The following ZNF197 variants were observed in gnomAD, a reference collection of about 807,000 sequenced individuals.
ZNF197 encodes zinc finger protein 197.
ZNF197 carries 14 observed loss-of-function variants against 27.4 expected under a neutral mutation model. The ratio of observed to expected loss-of-function variants is 0.51; its 90% CI spans 0.34 to 0.80. The LOEUF (loss-of-function observed/expected upper bound fraction) is 0.80, where lower values mean the gene tolerates loss of function less well. Ranked by LOEUF, ZNF197 falls within the 30% of genes least tolerant of loss-of-function variation. The pLI is 0.02. For missense variants in ZNF197, 1,090 were observed against 1,222.6 expected (o/e 0.89, Z 1.62); for synonymous variants, 415 against 420.0 (o/e 0.99, Z 0.15).
In ZNF197 at chr3:44,646,391, T is replaced by C; in HGVS notation, c.*2171T>C. The C allele has an allele frequency of 6.3e-7, 1 of 1,585,142 alleles. No homozygotes were observed. Among genetic ancestry groups the C allele is most frequent in the South Asian group, 1.2e-5 (1 of 86,318 alleles). On this transcript the variant is annotated 3_prime_UTR_variant, in exon 6 of 6. Transcript: ENST00000344387. ...CCGAGTAACAAAATGTCACATTGCT[T>C]AGATTGAGACAGCCCACATAATGTG...
Position 44,646,074 on chromosome 3 carries a change from T to A in ZNF197, c.*1854T>A. On this transcript the variant is annotated 3_prime_UTR_variant, in exon 6 of 6. Transcript: ENST00000344387. ...AGTTTCTTGGGGGCTGGTTCCTCAT[T>A]AGAGTGAAAGGTAGCCAAGAGTGAA... 1.0e-6 allele frequency: 1 copy of A among 985,290 alleles called. No homozygotes were observed. The highest frequency in any genetic ancestry group is 4.7e-5 in the South Asian group (1 of 21,284). The allele number at this position is 985,290 out of a possible 1,614,324, so 61.0% of individuals were successfully genotyped here.
In ZNF197 at chr3:44,643,295, T is replaced by C. The variant is rs1474461700; in HGVS notation, c.2165T>C (p.Met722Thr). ...GKTFIMSKSF[M>T]VHQKLHTQEK... Reference sequence around the variant, plus strand: ...ACCTTTATTATGAGCAAAAGTTTTATGGTCCATCAGAAACTCCATACACAA... The same window carrying C: ...ACCTTTATTATGAGCAAAAGTTTTACGGTCCATCAGAAACTCCATACACAA... The change falls in exon 6 of 6, where the codon ATG becomes ACG. Residue 722 changes from methionine to threonine, a missense_variant. Physicochemically the swap from Met to Thr is moderately conservative, Grantham distance 81. Coordinates refer to ENST00000344387, the MANE Select transcript of ZNF197 (RefSeq NM_006991.5). 4 of 1,613,808 alleles carry C rather than the reference T, an allele frequency of 2.5e-6. No homozygotes were observed. The highest frequency in any genetic ancestry group is 3.3e-5 in the Admixed American group (2 of 59,944).
At position 44,641,968 on chromosome 3, in the gene ZNF197, C is replaced by G. The variant is rs749092449; in HGVS notation, c.838C>G (p.His280Asp). The G allele has an allele frequency of 2.5e-6, 4 of 1,612,906 alleles. No homozygotes were observed. Among genetic ancestry groups the G allele is most frequent in the Non-Finnish European group, 8.5e-7 (1 of 1,179,374 alleles). ...AAGTAGTTCTCAAAGAGCAGACTCT[C>G]ATAAAGGAACATCAAAAAGACTTCA... ...KPSSSQRADS[H>D]KGTSKRLQGS... is the part of the protein sequence containing the mutation. The change falls in exon 6 of 6, where the codon CAT becomes GAT. Residue 280 changes from histidine (H) to aspartate (D), a missense_variant. Physicochemically the swap from His to Asp is moderately conservative, Grantham distance 81. Coordinates refer to ENST00000344387, the MANE Select transcript of ZNF197 (RefSeq NM_006991.5).
Position 44,640,791 on chromosome 3 carries a change from G to A in ZNF197, c.770-1109G>A, listed in dbSNP as rs564215120. Among the ~76,000 whole-genome samples, 60 of 152,344 alleles carry A rather than the reference G, an allele frequency of 3.9e-4. No individual in the cohort carries two copies. The highest frequency in any genetic ancestry group is 1.4e-3 in the African/African-American group (59 of 41,574). On this transcript the variant is annotated intron_variant, in intron 5 of 5. Coordinates refer to ENST00000344387, the MANE Select transcript of ZNF197 (RefSeq NM_006991.5). This position sits in a 1 kb window ranked among gnomAD's most constrained non-coding sequence, Gnocchi z 4.0. ...AGGTGGTTGGGTAGTGTGACTGGCAGTCCTGCCTGAGTCCTAGAGAGAAGG... is the reference window on the plus strand; with the variant it reads ...AGGTGGTTGGGTAGTGTGACTGGCAATCCTGCCTGAGTCCTAGAGAGAAGG...
Position 44,644,308 on chromosome 3 carries a change from T to TA in ZNF197, c.*89dup. The TA allele has an allele frequency of 6.8e-7, 1 of 1,481,138 alleles. No homozygotes were observed. The highest frequency in any genetic ancestry group is 8.9e-7 in the Non-Finnish European group (1 of 1,121,226). 91.7% of individuals were successfully genotyped at this position (1,481,138 alleles called of 1,614,324 possible). On this transcript the variant is annotated 3_prime_UTR_variant, in exon 6 of 6. Transcript: ENST00000344387. ...TATTTCTTCTAAGGAAAAAGTTTATTATTTACTCTTTACTAGACAAATGAG... is the reference window on the plus strand; with the variant it reads ...TATTTCTTCTAAGGAAAAAGTTTATTAATTTACTCTTTACTAGACAAATGAG...
At chr3:44,631,685 G>A (rs890904028) in intron 3 of ZNF197, among the ~76,000 whole-genome samples, 2 of 150,354 alleles carry the variant, frequency 1.3e-5, no homozygotes, top group East Asian at 2.0e-4. Context: ...ACAGGTGTGA[G>A]CCACTGCACC....
intron 1 of ZNF197, among the ~76,000 whole-genome samples, chr3:44,625,988 GT>G (rs1283880407): frequency 6.6e-6 from 1 of 152,140 alleles, no homozygotes. Flanking sequence ...TTGCTCCCAT[GT>G]CTCAGTTAGC....
intron 5 of ZNF197, among the ~76,000 whole-genome samples, chr3:44,641,465 G>A (rs1399511498): frequency 6.6e-6 from 1 of 152,140 alleles, no homozygotes; most frequent in Non-Finnish European, 1.5e-5. Context: ...TTGCCTTTCA[G>A]AGTCCTTACA....
At chr3:44,632,790 T>C (rs555681747) in intron 5 of ZNF197, among the ~76,000 whole-genome samples, 191 bp downstream of exon 5, 1 of 152,284 alleles carries the variant, frequency 6.6e-6, no homozygotes, top group South Asian at 2.1e-4. Context: ...TTTTTCTATA[T>C]GTTTGAGGGA....
chr3:44,628,494 TTTG>T (rs1241386544), intron 1 of ZNF197, among the ~76,000 whole-genome samples: 6 of 152,232 alleles, frequency 3.9e-5, no homozygotes, highest in Non-Finnish European at 8.8e-5. Flanking sequence ...TCATCCTTTC[TTTG>T]TTAATTGAGG....
At chr3:44,636,949 G>T (rs577099722) in intron 5 of ZNF197, among the ~76,000 whole-genome samples, 4 of 152,246 alleles carry the variant, frequency 2.6e-5, no homozygotes, top group African/African-American at 9.6e-5. Context: ...GCATTTACCT[G>T]ATGGTTAATG....
intron 3 of ZNF197, 115 bp downstream of exon 3, chr3:44,631,336 C>A (rs1381693518): frequency 1.5e-6 from 2 of 1,304,974 alleles, no homozygotes; most frequent in African/African-American, 1.5e-5. Context: ...TCTTACAGTG[C>A]CAATTTCTTT....
At position 44,645,110 on chromosome 3, in the gene ZNF197, G is replaced by A. The variant is rs1233650967; in HGVS notation, c.*890G>A. On this transcript the variant is annotated 3_prime_UTR_variant, in exon 6 of 6. Coordinates refer to ENST00000344387, the MANE Select transcript of ZNF197 (RefSeq NM_006991.5). ...CCTGGCTTTCCCTTAATGGCCATGTGATGTTATTAAGTCAGCCTCTAAAGC... is the reference window on the plus strand; with the variant it reads ...CCTGGCTTTCCCTTAATGGCCATGTAATGTTATTAAGTCAGCCTCTAAAGC... 1 of 973,404 alleles carries A rather than the reference G, an allele frequency of 1.0e-6. No homozygotes were observed. The highest frequency in any genetic ancestry group is 1.2e-6 in the Non-Finnish European group (1 of 819,168). The allele number at this position is 973,404 out of a possible 1,614,324, so 60.3% of individuals were successfully genotyped here.
chr3:44,633,194 A>G (rs1198688445), intron 5 of ZNF197, among the ~76,000 whole-genome samples: 1 of 152,176 alleles, frequency 6.6e-6, no homozygotes, highest in Admixed American at 6.5e-5. Context: ...ACAATTCTAA[A>G]TTGTTGCTAA....
rs931413843 is a variant in ZNF197 at position 44,640,894 on chromosome 3, C to T, written c.770-1006C>T. 2.0e-5 allele frequency among the ~76,000 whole-genome samples: 3 copies of T among 152,180 alleles called. No homozygotes were observed. Among genetic ancestry groups the T allele is most frequent in the Admixed American group, 6.5e-5 (1 of 15,278 alleles). On this transcript the variant is annotated intron_variant, in intron 5 of 5. Transcript: ENST00000344387. This position sits in a 1 kb window ranked among gnomAD's most constrained non-coding sequence, Gnocchi z 4.0. ...TAATATTTGTTGGATATTTGCCATC[C>T]TCATCCTTTCATAAACTTAAAGAAA...
At position 44,639,842 on chromosome 3, in the gene ZNF197, G is replaced by A. The variant is rs536185934; in HGVS notation, c.770-2058G>A. Among the ~76,000 whole-genome samples the A allele has an allele frequency of 3.9e-5, 6 of 152,096 alleles. 1 individual carries two copies. Among genetic ancestry groups the A allele is most frequent in the African/African-American group, 1.4e-4 (6 of 41,494 alleles). On this transcript the variant is annotated intron_variant, in intron 5 of 5. Coordinates refer to ENST00000344387, the MANE Select transcript of ZNF197 (RefSeq NM_006991.5). The stretch of plus-strand genomic sequence containing the variant: ...TGTAGTTCAGTGTGGCTAGAGTCTA[G>A]GGGCATAAGAGATACTGATGATAGT...
At position 44,648,446 on chromosome 3, in the gene ZNF197, A is replaced by G. The variant is rs1318127765; in HGVS notation, c.*4226A>G. On this transcript the variant is annotated 3_prime_UTR_variant, in exon 6 of 6. Transcript: ENST00000344387. ...AACTCTTCTGTACTCTGATATTTTC[A>G]AAATAAAACATTTGAGGGGAAATTA... The G allele has an allele frequency of 6.6e-6, 1 of 152,226 alleles. No homozygotes were observed. The highest frequency in any genetic ancestry group is 1.5e-5 in the Non-Finnish European group (1 of 68,038). The allele number at this position is 152,226 out of a possible 1,614,324, so 9.4% of individuals were successfully genotyped here.
chr3:44,632,067 T>A, intron 3 of ZNF197, 38 bp from the exon 4 acceptor site: 1 of 1,592,864 alleles, frequency 6.3e-7, no homozygotes, highest in South Asian at 1.1e-5. Context: ...TCAGAAAAGG[T>A]TTGTAGGTCC....
Position 44,645,532 on chromosome 3 carries a change from A to G in ZNF197, c.*1312A>G, listed in dbSNP as rs1702907655. On this transcript the variant is annotated 3_prime_UTR_variant, in exon 6 of 6. Coordinates refer to ENST00000344387, the MANE Select transcript of ZNF197 (RefSeq NM_006991.5). ...ATTAACAGTGATGCCAAGGAAAACAATTTATTTCCCAGCTTTTGAATTTGA... is the reference window on the plus strand; with the variant it reads ...ATTAACAGTGATGCCAAGGAAAACAGTTTATTTCCCAGCTTTTGAATTTGA... 3.0e-6 allele frequency: 3 copies of G among 985,414 alleles called. No homozygotes were observed. Among genetic ancestry groups the G allele is most frequent in the Non-Finnish European group, 3.6e-6 (3 of 829,936 alleles). 61.0% of individuals were successfully genotyped at this position (985,414 alleles called of 1,614,324 possible).
Sources: gnomAD v4.1 joint callset for allele counts (sites outside exome capture counted in the v4.1 genomes callset) on GRCh38, gnomAD v4.1.1 for gene constraint, Gnocchi (gnomAD v3.1) non-coding constraint, MANE v1.5 for transcripts, NCBI Gene and HGNC (gene_info 2026-07-23, HGNC 2026-07-21) for gene names.